The following SUCNR1 variants were observed in gnomAD, a reference collection of about 807,000 sequenced individuals.
The protein encoded by SUCNR1 is succinate receptor 1, also known as G-protein coupled receptor 91.
Under a neutral mutation model 2.4 loss-of-function variants are expected in SUCNR1, and 5 were observed. The ratio of observed to expected loss-of-function variants is 2.07; its 90% CI spans 1.08 to 4.36. The LOEUF (loss-of-function observed/expected upper bound fraction) is 4.36. Among genes scored for constraint, SUCNR1 ranks in the 30% most tolerant of loss-of-function variants. SUCNR1 has a pLI of 0.00. For missense variants in SUCNR1, 373 were observed against 399.2 expected (o/e 0.93, Z 0.56); for synonymous variants, 162 against 143.9 (o/e 1.13, Z -0.90).
chr3:151,882,482 G>C lies in SUCNR1; in HGVS notation c.*934G>C, dbSNP rs1157059062. The C allele has an allele frequency of 6.6e-6, 1 of 152,020 alleles. No individual in the cohort carries two copies. Among genetic ancestry groups the C allele is most frequent in the Admixed American group, 6.6e-5 (1 of 15,240 alleles). 9.4% of individuals were successfully genotyped at this position (152,020 alleles called of 1,614,324 possible). ...TTAATATCATAAACCAGCAAATAAG[G>C]AGAAATAAACTGATAATACTAGATT... On this transcript the variant is annotated 3_prime_UTR_variant, in exon 3 of 3. Transcript: ENST00000362032.
Position 151,881,757 on chromosome 3 carries a change from G to C in SUCNR1, c.*209G>C. The C allele has an allele frequency of 2.0e-6, 1 of 510,780 alleles. No homozygotes were observed. Among genetic ancestry groups the C allele is most frequent in the Non-Finnish European group, 3.4e-6 (1 of 293,288 alleles). The allele number at this position is 510,780 out of a possible 1,614,324, so 31.6% of individuals were successfully genotyped here. ...AGGAGTTGAACTGCCTTATGTTTGG[G>C]CATGTAACTCCAAAATACTAGGTAG... On this transcript the variant is annotated 3_prime_UTR_variant, in exon 3 of 3. Transcript: ENST00000362032.
chr3:151,878,505 G>GA (rs1001095406), intron 1 of SUCNR1, among the ~76,000 whole-genome samples: 7 of 152,044 alleles, frequency 4.6e-5, no homozygotes, highest in Admixed American at 1.3e-4. Context: ...TAGAGTAAAT[G>GA]AAAAAAGTTT....
At position 151,882,796 on chromosome 3, in the gene SUCNR1, T is replaced by C. The variant is rs1043317143; in HGVS notation, c.*1248T>C. The C allele has an allele frequency of 1.3e-5, 2 of 152,062 alleles. No homozygotes were observed. Among genetic ancestry groups the C allele is most frequent in the African/African-American group, 4.8e-5 (2 of 41,422 alleles). The allele number at this position is 152,062 out of a possible 1,614,324, so 9.4% of individuals were successfully genotyped here. A position where few individuals can be genotyped will look rare whatever the true frequency, so the allele number is the denominator to read the frequency against. On this transcript the variant is annotated 3_prime_UTR_variant, in exon 3 of 3. Transcript: ENST00000362032. ...CCCCATTTCCTGCACAAAACAAATG[T>C]AGGGGAAAAAATGGGTGCTGCATTA...
intron 2 of SUCNR1, among the ~76,000 whole-genome samples, chr3:151,880,187 T>C (rs1398922954): frequency 6.6e-6 from 1 of 152,184 alleles, no homozygotes; most frequent in South Asian, 2.1e-4. Context: ...ATCCCAAAAC[T>C]TTCTAATATT....
chr3:151,874,083 TACAC>T (rs139708188), intron 1 of SUCNR1, among the ~76,000 whole-genome samples: 1,362 of 117,408 alleles, frequency 0.012, 17 homozygotes, highest in African/African-American at 0.016. Flanking sequence ...ATTTGATACA[TACAC>T]ACACACACAC....
intron 1 of SUCNR1, 36 bp from the exon 2 acceptor site, chr3:151,879,816 G>T: frequency 1.0e-6 from 1 of 1,003,734 alleles, no homozygotes; most frequent in South Asian, 2.1e-5. Context: ...AAAATAGTGA[G>T]ACTGAAGTTC....
In SUCNR1 at chr3:151,883,182, A is replaced by T. The variant is rs1301806804; in HGVS notation, c.*1634A>T. 1 of 151,964 alleles carries T rather than the reference A, an allele frequency of 6.6e-6. No individual in the cohort carries two copies. Among genetic ancestry groups the T allele is most frequent in the Non-Finnish European group, 1.5e-5 (1 of 67,900 alleles). 9.4% of individuals were successfully genotyped at this position (151,964 alleles called of 1,614,324 possible). A position where few individuals can be genotyped will look rare whatever the true frequency, so the allele number is the denominator to read the frequency against. ...GCCTTGCCTTTAGTATCAATATTTT[A>T]AAAATTTCACTGTAATTTTATAACT... On this transcript the variant is annotated 3_prime_UTR_variant, in exon 3 of 3. Coordinates refer to ENST00000362032, the MANE Select transcript of SUCNR1 (RefSeq NM_033050.6).
At position 151,881,184 on chromosome 3, in the gene SUCNR1, T is replaced by C. The variant is rs1387932467; in HGVS notation, c.641T>C (p.Leu214Pro). The C allele has an allele frequency of 3.1e-6, 5 of 1,614,076 alleles. No homozygotes were observed. Among genetic ancestry groups the C allele is most frequent in the Non-Finnish European group, 4.2e-6 (5 of 1,180,034 alleles). The change falls in exon 3 of 3, where the codon CTA becomes CCA. Residue 214 changes from leucine to proline, a missense_variant. Leu to Pro is a moderately conservative substitution (Grantham distance 98). Around this residue, in one of 3 missense-constraint regions of SUCNR1, gnomAD observed 157 missense variants for 178.7 expected, o/e 0.88. Coordinates refer to ENST00000362032, the MANE Select transcript of SUCNR1 (RefSeq NM_033050.6). ...TTTTATTACAAGATTGCTCTCTTCC[T>C]AAAGCAGAGGAATAGGCAGGTTGCT... ...CFFYYKIALF[L>P]KQRNRQVATA...
chr3:151,874,125 CATATAT>C lies in SUCNR1; in HGVS notation c.-42+436_-42+441del, dbSNP rs1171918094. 1.4e-3 allele frequency among the ~76,000 whole-genome samples: 119 copies of C among 86,862 alleles called. 1 individual carries two copies. The highest frequency in any genetic ancestry group is 2.7e-3 in the South Asian group (6 of 2,224). The allele number at this position is 86,862 out of a possible 152,430, so 57.0% of individuals were successfully genotyped here. A position where few individuals can be genotyped will look rare whatever the true frequency, so the allele number is the denominator to read the frequency against. Reference sequence around the variant, plus strand: ...ACACACACACACACACATATACATACATATATATATATATATATATATTTTTTTTTT... The same window carrying C: ...ACACACACACACACACATATACATACATATATATATATATATTTTTTTTTT... On this transcript the variant is annotated intron_variant, in intron 1 of 2. Coordinates refer to ENST00000362032, the MANE Select transcript of SUCNR1 (RefSeq NM_033050.6).
Position 151,882,125 on chromosome 3 carries a change from G to A in SUCNR1, c.*577G>A, listed in dbSNP as rs1718120963. On this transcript the variant is annotated 3_prime_UTR_variant, in exon 3 of 3. Coordinates refer to ENST00000362032, the MANE Select transcript of SUCNR1 (RefSeq NM_033050.6). The stretch of plus-strand genomic sequence containing the variant: ...ATTTATCTAACCTTTTTGTTGTATG[G>A]GTTTATAGTGGAAAGAATCTTAATT... The A allele has an allele frequency of 6.6e-6, 1 of 151,934 alleles. No individual in the cohort carries two copies. The highest frequency in any genetic ancestry group is 2.4e-5 in the African/African-American group (1 of 41,362). The allele number at this position is 151,934 out of a possible 1,614,324, so 9.4% of individuals were successfully genotyped here.
At chr3:151,873,789 GT>G (rs1036973611) in intron 1 of SUCNR1, 83 bp downstream of exon 1, 1 of 151,860 alleles carries the variant, frequency 6.6e-6, no homozygotes, top group Non-Finnish European at 1.5e-5. Flanking sequence ...AGCAATTAAG[GT>G]TTTCAGTATT....
intron 1 of SUCNR1, among the ~76,000 whole-genome samples, 173 bp downstream of exon 1, chr3:151,873,879 G>T (rs557939180): frequency 1.3e-5 from 2 of 150,970 alleles, no homozygotes; most frequent in African/African-American, 2.4e-5. Context: ...TTATCTCTAC[G>T]TTTATTTTTC....
At chr3:151,873,951 A>G (rs1181248259) in intron 1 of SUCNR1, among the ~76,000 whole-genome samples, 2 of 151,598 alleles carry the variant, frequency 1.3e-5, no homozygotes, top group Non-Finnish European at 2.9e-5. Flanking sequence ...AAAAGGATTT[A>G]TTATATTTGC....
In SUCNR1 at chr3:151,881,765, C is replaced by G; in HGVS notation, c.*217C>G. Reference sequence around the variant, plus strand: ...AACTGCCTTATGTTTGGGCATGTAACTCCAAAATACTAGGTAGTATAAGGC... The same window carrying G: ...AACTGCCTTATGTTTGGGCATGTAAGTCCAAAATACTAGGTAGTATAAGGC... On this transcript the variant is annotated 3_prime_UTR_variant, in exon 3 of 3. Coordinates refer to ENST00000362032, the MANE Select transcript of SUCNR1 (RefSeq NM_033050.6). 2.0e-6 allele frequency: 1 copy of G among 494,122 alleles called. No individual in the cohort carries two copies. The highest frequency in any genetic ancestry group is 3.8e-5 in the Admixed American group (1 of 26,106). The allele number at this position is 494,122 out of a possible 1,614,324, so 30.6% of individuals were successfully genotyped here. A position where few individuals can be genotyped will look rare whatever the true frequency, so the allele number is the denominator to read the frequency against.
intron 1 of SUCNR1, among the ~76,000 whole-genome samples, chr3:151,877,918 T>C (rs1158815244): frequency 6.6e-6 from 1 of 152,136 alleles, no homozygotes; most frequent in Non-Finnish European, 1.5e-5. Flanking sequence ...AACTCAACAT[T>C]TATTGCTTGA....
At chr3:151,876,022 T>G (rs1717915632) in intron 1 of SUCNR1, among the ~76,000 whole-genome samples, 1 of 152,190 alleles carries the variant, frequency 6.6e-6, no homozygotes, top group Admixed American at 6.6e-5. Flanking sequence ...CAGTGGTGAC[T>G]AGGCAGAAAG....
intron 1 of SUCNR1, among the ~76,000 whole-genome samples, chr3:151,878,435 A>G (rs1311236201): frequency 6.6e-6 from 1 of 152,202 alleles, no homozygotes; most frequent in Non-Finnish European, 1.5e-5. Context: ...AGTAAGCTCA[A>G]CAAATGCTCT....
At chr3:151,876,789 T>C (rs1717935913) in intron 1 of SUCNR1, among the ~76,000 whole-genome samples, 1 of 152,202 alleles carries the variant, frequency 6.6e-6, no homozygotes, top group Non-Finnish European at 1.5e-5. Context: ...CTTAATCTGA[T>C]GGTCTTGCTG....
rs1434312524 is a variant in SUCNR1 at position 151,880,613 on chromosome 3, T to C, written c.70T>C (p.Tyr24His). 1.2e-6 allele frequency: 2 copies of C among 1,613,758 alleles called. No individual in the cohort carries two copies. The highest frequency in any genetic ancestry group is 1.7e-6 in the Non-Finnish European group (2 of 1,179,860). The change falls in exon 3 of 3, where the codon TAC becomes CAC. Residue 24 changes from tyrosine (Y) to histidine (H), a missense_variant. By Grantham distance (83) the Tyr-to-His change is moderately conservative (BLOSUM62 2). Coordinates refer to ENST00000362032, the MANE Select transcript of SUCNR1 (RefSeq NM_033050.6). ...WLAAEAALEK[Y>H]YLSIFYGIEF... ...GGCAGCAGAGGCTGCCCTGGAAAAGTACTACCTTTCCATTTTTTATGGGAT... is the reference window on the plus strand; with the variant it reads ...GGCAGCAGAGGCTGCCCTGGAAAAGCACTACCTTTCCATTTTTTATGGGAT...
Sources: gnomAD v4.1 joint callset for allele counts (sites outside exome capture counted in the v4.1 genomes callset) on GRCh38, gnomAD v4.1.1 for gene constraint, gnomAD v4.1.1 regional missense constraint, MANE v1.5 for transcripts, NCBI Gene and HGNC (gene_info 2026-07-23, HGNC 2026-07-21) for gene names.